AGMO: variants seen among roughly 807,000 people sequenced by gnomAD.
The protein encoded by AGMO is alkylglycerol monooxygenase, also known as glyceryl-ether monooxygenase.
A neutral mutation model predicts 60.2 loss-of-function variants in AGMO; 75 were observed. The observed-to-expected ratio is 1.25, with a 90% confidence interval of 1.03 to 1.51. The LOEUF (loss-of-function observed/expected upper bound fraction) is 1.51. Among genes scored for constraint, AGMO ranks in the 40% most tolerant of loss-of-function variants. The pLI is 0.00. For synonymous variants in AGMO, 261 were observed against 177.1 expected, an observed-to-expected ratio of 1.47 and a Z score of -3.76; for missense variants, 763 against 525.5, an observed-to-expected ratio of 1.45 and a Z score of -4.42.
intron 12 of AGMO, among the ~76,000 whole-genome samples, chr7:15,226,036 A>G (rs1782071450): frequency 6.6e-6 from 1 of 152,040 alleles, no homozygotes; most frequent in Admixed American, 6.6e-5. Context: ...CATGTTTCAG[A>G]TGTGTAAATG....
chr7:15,353,489 G>T (rs1427631938), intron 12 of AGMO, among the ~76,000 whole-genome samples: 1 of 152,204 alleles, frequency 6.6e-6, no homozygotes, highest in South Asian at 2.1e-4. Context: ...ATCCCTGCCT[G>T]TTTTCAGACC....
intron 12 of AGMO, among the ~76,000 whole-genome samples, chr7:15,272,514 T>G (rs1783647207): frequency 6.6e-6 from 1 of 152,096 alleles, no homozygotes; most frequent in Admixed American, 6.5e-5. Context: ...CTCATTTTCT[T>G]AATCCAGTCT....
At chr7:15,318,337 A>G (rs1388903122) in intron 12 of AGMO, among the ~76,000 whole-genome samples, 1 of 152,102 alleles carries the variant, frequency 6.6e-6, no homozygotes, top group African/African-American at 2.4e-5. Flanking sequence ...TCTTGGCATT[A>G]TTCTTTATAT....
intron 3 of AGMO, among the ~76,000 whole-genome samples, chr7:15,465,637 G>A (rs1015402119): frequency 6.7e-5 from 10 of 149,058 alleles, no homozygotes; most frequent in African/African-American, 2.5e-4. Context: ...TTAGAGACAG[G>A]GTTTCCCTAT....
chr7:15,454,552 C>T (rs1460900190), intron 3 of AGMO, among the ~76,000 whole-genome samples: 4 of 151,980 alleles, frequency 2.6e-5, no homozygotes, highest in Admixed American at 2.0e-4. Flanking sequence ...ATAAGATCGT[C>T]ATTGTTAACA....
intron 3 of AGMO, among the ~76,000 whole-genome samples, chr7:15,515,014 T>C (rs1263034789): frequency 6.6e-6 from 1 of 152,228 alleles, no homozygotes; most frequent in Non-Finnish European, 1.5e-5. Context: ...CTCCTCTTTC[T>C]GCATTTTCTC....
intron 3 of AGMO, among the ~76,000 whole-genome samples, chr7:15,462,943 A>C (rs1782183841): frequency 6.6e-6 from 1 of 152,182 alleles, no homozygotes; most frequent in Admixed American, 6.6e-5. Flanking sequence ...ACACAACGTC[A>C]GGTTGTTTGG....
chr7:15,483,732 T>C (rs899292012), intron 3 of AGMO, among the ~76,000 whole-genome samples: 4 of 152,170 alleles, frequency 2.6e-5, no homozygotes, highest in African/African-American at 4.8e-5. Flanking sequence ...GAAAACTTGA[T>C]TCTGTAAAGA....
chr7:15,118,470 T>A, the AGMO span, among the ~76,000 whole-genome samples: 1 of 152,078 alleles, frequency 6.6e-6, no homozygotes, highest in African/African-American at 2.4e-5. Context: ...AAACTGATCA[T>A]GTTTTCTCAG....
intron 3 of AGMO, among the ~76,000 whole-genome samples, chr7:15,454,490 C>T (rs1337958522): frequency 6.6e-6 from 1 of 152,032 alleles, no homozygotes; most frequent in Non-Finnish European, 1.5e-5. Flanking sequence ...TTACATACAA[C>T]TTAAATATAC....
intron 10 of AGMO, among the ~76,000 whole-genome samples, chr7:15,366,457 T>G (rs1455336953): frequency 6.6e-6 from 1 of 152,120 alleles, no homozygotes; most frequent in Non-Finnish European, 1.5e-5. Flanking sequence ...GCTTAAAGTG[T>G]TCATCATCAT....
chr7:15,192,703 A>T, the AGMO span, among the ~76,000 whole-genome samples: 1 of 152,040 alleles, frequency 6.6e-6, no homozygotes, highest in South Asian at 2.1e-4. Context: ...TAATTGTAAC[A>T]CACCCTTAGA....
chr7:15,257,982 G>T (rs1783146997), intron 12 of AGMO, among the ~76,000 whole-genome samples: 1 of 152,072 alleles, frequency 6.6e-6, no homozygotes, highest in African/African-American at 2.4e-5. Context: ...CATTTTCAAT[G>T]ATCTATTTAG....
chr7:15,292,169 G>T (rs1784281615), intron 12 of AGMO, among the ~76,000 whole-genome samples: 2 of 151,954 alleles, frequency 1.3e-5, no homozygotes, highest in Non-Finnish European at 2.9e-5. Context: ...GGTGATGAGG[G>T]TTTAACCTGG....
the AGMO span, among the ~76,000 whole-genome samples, chr7:15,186,827 G>T: frequency 6.6e-6 from 1 of 152,036 alleles, no homozygotes; most frequent in Non-Finnish European, 1.5e-5. Flanking sequence ...GGTGGTCCCG[G>T]CGCACTTTGC....
At chr7:15,182,230 G>T in the AGMO span, among the ~76,000 whole-genome samples, 1 of 152,050 alleles carries the variant, frequency 6.6e-6, no homozygotes, top group African/African-American at 2.4e-5. Context: ...TGTTTAATGG[G>T]TACAGGATTT....
chr7:15,166,248 G>C, the AGMO span, among the ~76,000 whole-genome samples: 1 of 152,208 alleles, frequency 6.6e-6, no homozygotes, highest in Non-Finnish European at 1.5e-5. Context: ...GGAATCACCA[G>C]AAGGATGCTT....
At chr7:15,332,168 C>G (rs1391753207) in intron 12 of AGMO, among the ~76,000 whole-genome samples, 3 of 152,060 alleles carry the variant, frequency 2.0e-5, no homozygotes, top group Admixed American at 1.3e-4. Flanking sequence ...AACTTACAAT[C>G]GTGTTAAGCC....
chr7:15,162,786 A>G, the AGMO span, among the ~76,000 whole-genome samples: 1 of 152,334 alleles, frequency 6.6e-6, no homozygotes, highest in East Asian at 1.9e-4. Context: ...GCCTGAAGTC[A>G]GATAAAGTGA....
Sources: gnomAD v4.1 joint callset for allele counts (sites outside exome capture counted in the v4.1 genomes callset) on GRCh38, gnomAD v4.1.1 for gene constraint, MANE v1.5 for transcripts, NCBI Gene and HGNC (gene_info 2026-07-23, HGNC 2026-07-21) for gene names.